CDH18: variants seen among roughly 807,000 people sequenced by gnomAD.
The protein encoded by CDH18 is cadherin-18.
CDH18 carries 31 observed loss-of-function variants against 67.9 expected under a neutral mutation model. The ratio of observed to expected loss-of-function variants is 0.46; its 90% CI spans 0.34 to 0.62. CDH18 has a LOEUF of 0.62. Ranked by LOEUF, CDH18 falls within the 20% of genes least tolerant of loss-of-function variation. CDH18 has a pLI of 0.01. For synonymous variants in CDH18, 362 were observed against 347.2 expected (o/e 1.04, Z -0.48); for missense variants, 890 against 975.5 (o/e 0.91, Z 1.17).
intron 12 of CDH18, among the ~76,000 whole-genome samples, chr5:19,474,920 T>C (rs1212855574): frequency 1.3e-5 from 2 of 152,072 alleles, no homozygotes; most frequent in Non-Finnish European, 2.9e-5. Context: ...AAACTGTTAC[T>C]AAATAGAAAT....
intron 5 of CDH18, among the ~76,000 whole-genome samples, chr5:19,664,571 T>C (rs1477389211): frequency 1.4e-5 from 2 of 147,594 alleles, no homozygotes; most frequent in African/African-American, 5.0e-5. Flanking sequence ...ACATAAATTA[T>C]ATTAACAACC....
chr5:20,295,934 C>G lies in CDH18; in HGVS notation c.-579-40429G>C, dbSNP rs557135270. On this transcript the variant is annotated intron_variant, in intron 1 of 14. Coordinates refer to the CDH18 transcript ENST00000507958. ...TCATCCAGGCTGGAGTGCAGTGGCG[C>G]AATCTCGGCTCACTGCAACCTCTGT... is the stretch of plus-strand genomic sequence containing the variant. Among the ~76,000 whole-genome samples, 3 of 139,982 alleles carry G rather than the reference C, an allele frequency of 2.1e-5. No individual in the cohort carries two copies. In the South Asian group the frequency reaches 6.8e-4, roughly 32 times the overall value. The allele number at this position is 139,982 out of a possible 152,430, so 91.8% of individuals were successfully genotyped here.
At chr5:19,963,284 T>A (rs1797094841) in intron 2 of CDH18, among the ~76,000 whole-genome samples, 1 of 152,114 alleles carries the variant, frequency 6.6e-6, no homozygotes, top group African/African-American at 2.4e-5. Context: ...ACTACAATGG[T>A]GTTGGAAGGT....
At chr5:19,936,399 G>A (rs935759654) in intron 2 of CDH18, among the ~76,000 whole-genome samples, 19 of 151,352 alleles carry the variant, frequency 1.3e-4, no homozygotes, top group African/African-American at 4.6e-4. Context: ...CCATGGGAAT[G>A]TTCAAACAGA....
chr5:19,546,260 C>A (rs551532900), intron 8 of CDH18, among the ~76,000 whole-genome samples: 2 of 152,182 alleles, frequency 1.3e-5, no homozygotes, highest in East Asian at 1.9e-4. Context: ...GATACAAAGA[C>A]CATGAGTTAA....
Position 19,629,008 on chromosome 5 carries a change from C to T in CDH18, c.644-16407G>A, listed in dbSNP as rs115762150. 6.3e-3 allele frequency among the ~76,000 whole-genome samples: 959 copies of T among 151,824 alleles called. 9 individuals carry two copies. Among genetic ancestry groups the T allele is most frequent in the African/African-American group, 0.022 (920 of 41,402 alleles). On this transcript the variant is annotated intron_variant, in intron 5 of 12. Transcript: ENST00000382275. ...AGAAATTGTTCCCTTGCGATAAATG[C>T]TGTTGCTAAGTAAAGTATGATATGG...
chr5:20,508,597 A>G (rs567433647), intron 1 of CDH18, among the ~76,000 whole-genome samples: 35 of 151,768 alleles, frequency 2.3e-4, no homozygotes, highest in African/African-American at 7.0e-4. Flanking sequence ...ATTTACCCCA[A>G]CCTCTCAGGA....
chr5:20,526,150 G>A (rs958371359), intron 1 of CDH18, among the ~76,000 whole-genome samples: 4 of 152,098 alleles, frequency 2.6e-5, no homozygotes, highest in African/African-American at 9.7e-5. Context: ...ATGGCAGATC[G>A]TGGCCAGACT....
At chr5:19,514,994 T>C (rs1181269016) in intron 10 of CDH18, among the ~76,000 whole-genome samples, 1 of 152,230 alleles carries the variant, frequency 6.6e-6, no homozygotes, top group East Asian at 1.9e-4. Context: ...AACATTTAAG[T>C]CTTTAATCCA....
chr5:20,176,081 G>C (rs144685707), intron 2 of CDH18, among the ~76,000 whole-genome samples: 1 of 152,226 alleles, frequency 6.6e-6, no homozygotes, highest in East Asian at 1.9e-4. Context: ...TCCCCACCTA[G>C]TCAGCCATCT....
At chr5:20,408,131 C>T (rs991949202) in intron 1 of CDH18, among the ~76,000 whole-genome samples, 10 of 152,060 alleles carry the variant, frequency 6.6e-5, no homozygotes, top group Admixed American at 4.6e-4. Flanking sequence ...AAAAAACTAC[C>T]AGCCAAGAAT....
intron 2 of CDH18, among the ~76,000 whole-genome samples, chr5:19,915,338 T>C (rs906372290): frequency 7.2e-5 from 11 of 152,156 alleles, no homozygotes; most frequent in Non-Finnish European, 8.8e-5. Context: ...TTTGCTTTTA[T>C]AGCTGACCCT....
intron 1 of CDH18, among the ~76,000 whole-genome samples, chr5:20,328,493 G>A (rs1366322482): frequency 2.6e-5 from 4 of 151,224 alleles, no homozygotes; most frequent in Non-Finnish European, 5.9e-5. Flanking sequence ...GTGTGTGTGT[G>A]TGTGTGTGTG....
chr5:19,612,621 A>G lies in CDH18; in HGVS notation c.644-20T>C. 1 of 1,557,986 alleles carries G rather than the reference A, an allele frequency of 6.4e-7. No homozygotes were observed. Among genetic ancestry groups the G allele is most frequent in the Non-Finnish European group, 8.9e-7 (1 of 1,129,162 alleles). ...TAACTCCTGTAATAGATATATTTTA[A>G]TAAACAGTATGAGCTATATAATAAG... On this transcript the variant is annotated intron_variant, in intron 5 of 12. Transcript: ENST00000382275.
intron 5 of CDH18, among the ~76,000 whole-genome samples, chr5:19,712,355 C>A (rs1351608981): frequency 6.6e-6 from 1 of 151,836 alleles, no homozygotes; most frequent in African/African-American, 2.4e-5. Flanking sequence ...CTCAGGGAGG[C>A]CTGGTGTGGA....
chr5:19,750,789 GT>G (rs1471147931), intron 3 of CDH18, among the ~76,000 whole-genome samples: 23 of 133,082 alleles, frequency 1.7e-4, no homozygotes, highest in Non-Finnish European at 3.4e-4. Context: ...TTTTAAATCA[GT>G]TTAGTCATAC....
At chr5:19,552,064 T>A (rs1737545810) in intron 8 of CDH18, among the ~76,000 whole-genome samples, 1 of 152,112 alleles carries the variant, frequency 6.6e-6, no homozygotes, top group Non-Finnish European at 1.5e-5. Flanking sequence ...TGTAAATATG[T>A]TGGTAGCACT....
chr5:20,297,974 C>T (rs914426703), intron 1 of CDH18, among the ~76,000 whole-genome samples: 2 of 152,186 alleles, frequency 1.3e-5, no homozygotes, highest in East Asian at 1.9e-4. Context: ...GATAAGTAAC[C>T]GGAAGGCATC....
At chr5:20,333,036 C>CT (rs59227183) in intron 1 of CDH18, among the ~76,000 whole-genome samples, 16,431 of 151,806 alleles carry the variant, frequency 0.11, 1,472 homozygotes, top group East Asian at 0.37. Context: ...TGATAAGGAA[C>CT]TTTTTTTTTC....
Sources: allele counts gnomAD v4.1 joint callset (sites outside exome capture counted in the v4.1 genomes callset), GRCh38; gene constraint gnomAD v4.1.1; transcripts MANE v1.5; gene names NCBI Gene and HGNC (gene_info 2026-07-23, HGNC 2026-07-21).